Variants in NCAPD3 observed in about 807,000 individuals in gnomAD.
NCAPD3 encodes the protein non-SMC condensin II complex subunit D3, also known as condensin-2 complex subunit D3.
Under a neutral mutation model 182.9 loss-of-function variants are expected in NCAPD3, and 105 were observed. The observed-to-expected ratio is 0.57, with a 90% CI of 0.49 to 0.68. The LOEUF (loss-of-function observed/expected upper bound fraction) is 0.68. Among genes scored for constraint, NCAPD3 ranks in the 30% least tolerant of loss-of-function variants. The pLI, the probability that NCAPD3 is intolerant of heterozygous loss-of-function variation, is 0.00. For missense variants in NCAPD3, 1,944 were observed against 1,837.0 expected (o/e 1.06, Z -1.07); for synonymous variants, 815 against 679.9 (o/e 1.20, Z -3.09).
chr11:134,222,363 T>C (rs1305070145), intron 1 of NCAPD3, among the ~76,000 whole-genome samples: 1 of 152,200 alleles, frequency 6.6e-6, no homozygotes, highest in Non-Finnish European at 1.5e-5. Flanking sequence ...TACTAGAGGG[T>C]TCTTGTCCAC....
chr11:134,219,088 C>A (rs1452048815), intron 2 of NCAPD3, among the ~76,000 whole-genome samples: 1 of 152,204 alleles, frequency 6.6e-6, no homozygotes, highest in Admixed American at 6.5e-5. Flanking sequence ...CCTTACTCTA[C>A]CTTACCATCC....
chr11:134,198,264 T>C (rs954459110), intron 13 of NCAPD3, among the ~76,000 whole-genome samples: 1 of 152,220 alleles, frequency 6.6e-6, no homozygotes, highest in Non-Finnish European at 1.5e-5. Flanking sequence ...TAATGAACTT[T>C]AGTCTCCACC....
chr11:134,203,864 A>T lies in NCAPD3; in HGVS notation c.1258T>A (p.Leu420Ile). The part of the protein sequence containing the change: ...VFTLDVVLAL[L>I]ELPEREVDNT... ...TCCACCTCTCTTTCAGGCAGTTCTA[A>T]CAGAGCTAAGACAACATCAAGAGTA... The change falls in exon 11 of 35, where the codon TTA becomes ATA. Residue 420 changes from leucine to isoleucine, a missense_variant. Physicochemically the swap from Leu to Ile is conservative, Grantham distance 5 (BLOSUM62 2). Coordinates refer to ENST00000534548, the MANE Select transcript of NCAPD3 (RefSeq NM_015261.3). 6.2e-7 allele frequency: 1 copy of T among 1,614,218 alleles called. No homozygotes were observed. The highest frequency in any genetic ancestry group is 1.3e-5 in the African/African-American group (1 of 75,056).
At chr11:134,186,424 A>G (rs1473056123) in intron 16 of NCAPD3, among the ~76,000 whole-genome samples, 1 of 152,042 alleles carries the variant, frequency 6.6e-6, no homozygotes, top group East Asian at 1.9e-4. Context: ...TGTTGTCTAG[A>G]CTGGTCTTGA....
chr11:134,153,469 G>A (rs1943322396), intron 32 of NCAPD3, 106 bp from the exon 33 acceptor site: 1 of 1,190,546 alleles, frequency 8.4e-7, no homozygotes, highest in Non-Finnish European at 1.3e-6. Context: ...CAGTGTCCCA[G>A]CGGCGGCCCT....
At chr11:134,155,595 T>C (rs1474607298) in intron 32 of NCAPD3, among the ~76,000 whole-genome samples, 1 of 152,116 alleles carries the variant, frequency 6.6e-6, no homozygotes, top group East Asian at 1.9e-4. Flanking sequence ...GGCTGCCCTG[T>C]GGAGAAACAC....
chr11:134,169,414 A>T lies in NCAPD3; in HGVS notation c.3102-360T>A, dbSNP rs181143280. Reference sequence around the variant, plus strand: ...CCAGTGGTCTTATAAGACTGATGCAATGACAACAGTCACCAGAAAAGGGAT... The same window carrying T: ...CCAGTGGTCTTATAAGACTGATGCATTGACAACAGTCACCAGAAAAGGGAT... On this transcript the variant is annotated intron_variant, in intron 24 of 34. Coordinates refer to ENST00000534548, the MANE Select transcript of NCAPD3 (RefSeq NM_015261.3). Among the ~76,000 whole-genome samples, 164 of 152,360 alleles carry T rather than the reference A, an allele frequency of 1.1e-3. 1 individual carries two copies. Among genetic ancestry groups the T allele is most frequent in the African/African-American group, 3.8e-3 (159 of 41,588 alleles).
In NCAPD3 at chr11:134,158,118, A is replaced by G. The variant is rs761812248; in HGVS notation, c.4035-51T>C. ...ACTTTCTCACTGCAGACCACTGCAGAGGTGACAGTGCTGCACTGTGTCCCC... is the reference window on the plus strand; with the variant it reads ...ACTTTCTCACTGCAGACCACTGCAGGGGTGACAGTGCTGCACTGTGTCCCC... On this transcript the variant is annotated intron_variant, in intron 30 of 34. Coordinates refer to ENST00000534548, the MANE Select transcript of NCAPD3 (RefSeq NM_015261.3). 2.5e-6 allele frequency: 4 copies of G among 1,590,848 alleles called. No homozygotes were observed. The South Asian group carries it at 4.5e-5, about 18-fold the overall frequency.
chr11:134,192,434 A>G (rs918006957), intron 16 of NCAPD3, among the ~76,000 whole-genome samples: 5 of 152,230 alleles, frequency 3.3e-5, no homozygotes, highest in African/African-American at 1.2e-4. Context: ...ACTACATATG[A>G]AGACACCAAA....
chr11:134,217,802 G>A (rs1307099105), intron 2 of NCAPD3, among the ~76,000 whole-genome samples: 1 of 152,184 alleles, frequency 6.6e-6, no homozygotes, highest in East Asian at 1.9e-4. Context: ...AAAAACTTAC[G>A]GGAGAAATCA....
intron 32 of NCAPD3, chr11:134,153,690 A>G: frequency 2.8e-6 from 1 of 353,242 alleles, no homozygotes; most frequent in Non-Finnish European, 5.3e-6. Flanking sequence ...CACTTACTAC[A>G]CCTCCTACTG....
At chr11:134,165,917 T>C (rs570682465) in intron 27 of NCAPD3, among the ~76,000 whole-genome samples, 4,557 of 91,456 alleles carry the variant, frequency 0.05, 100 homozygotes, top group Non-Finnish European at 0.052. Flanking sequence ...ACTAGTGAGA[T>C]GAGCTTGGGG....
intron 24 of NCAPD3, among the ~76,000 whole-genome samples, chr11:134,175,245 G>A (rs1944133356): frequency 6.6e-6 from 1 of 152,152 alleles, no homozygotes; most frequent in African/African-American, 2.4e-5. Context: ...TTACCTCCCA[G>A]GTGCATCATC....
intron 27 of NCAPD3, among the ~76,000 whole-genome samples, chr11:134,164,775 C>G (rs1471028286): frequency 6.7e-6 from 1 of 150,294 alleles, no homozygotes; most frequent in African/African-American, 2.5e-5. Flanking sequence ...CTTGGGGGAG[C>G]TGCACACTCG....
In NCAPD3 at chr11:134,203,215, A is replaced by G. The variant is rs751541020; in HGVS notation, c.1469-17T>C. 6.4e-7 allele frequency: 1 copy of G among 1,560,418 alleles called. No homozygotes were observed. Among genetic ancestry groups the G allele is most frequent in the Non-Finnish European group, 8.8e-7 (1 of 1,132,250 alleles). ...ACGTAGGACCTAAAAACAAGAAGAA[A>G]GATAAGAAGGAAGAAGTCAGTATCA... On this transcript the variant is annotated splice_polypyrimidine_tract_variant and intron_variant, in intron 11 of 34. Transcript: ENST00000534548.
rs1345544419 is a variant in NCAPD3, at chr11:134,192,968, T to C, written c.1825-59A>G. 4 of 993,826 alleles carry C rather than the reference T, an allele frequency of 4.0e-6. No individual in the cohort carries two copies. In the African/African-American group the frequency reaches 6.4e-5, roughly 16 times the overall value. 61.6% of individuals were successfully genotyped at this position (993,826 alleles called of 1,614,324 possible). A position where few individuals can be genotyped will look rare whatever the true frequency, so the allele number is the denominator to read the frequency against. ...TAAATACAAGTCAGGGAAGTTGTGA[T>C]CAACATTTTGAGATGTTAAAAATAA... On this transcript the variant is annotated intron_variant, in intron 15 of 34. Coordinates refer to ENST00000534548, the MANE Select transcript of NCAPD3 (RefSeq NM_015261.3).
At chr11:134,173,176 C>T (rs898185838) in intron 24 of NCAPD3, 3 of 152,902 alleles carry the variant, frequency 2.0e-5, no homozygotes, top group Non-Finnish European at 4.4e-5. Flanking sequence ...GCCAACAGCT[C>T]TCCGTGGAGG....
At chr11:134,175,933 T>C (rs1944150210) in intron 24 of NCAPD3, among the ~76,000 whole-genome samples, 1 of 152,100 alleles carries the variant, frequency 6.6e-6, no homozygotes, top group South Asian at 2.1e-4. Flanking sequence ...CTCAGCTCTT[T>C]ATCAAAATTA....
chr11:134,167,665 CACTT>C lies in NCAPD3; in HGVS notation c.3573+327_3573+330del, dbSNP rs564931558. On this transcript the variant is annotated intron_variant, in intron 27 of 34. Coordinates refer to ENST00000534548, the MANE Select transcript of NCAPD3 (RefSeq NM_015261.3). ...GATGAGCTTGGGGGAGCAGCACACT[CACTT>C]GTGAGATGAGCTTGGGGGAGGGGCA... is the stretch of plus-strand genomic sequence containing the variant. Among the ~76,000 whole-genome samples the C allele has an allele frequency of 1.0e-3, 133 of 130,302 alleles. 1 individual carries two copies. The highest frequency in any genetic ancestry group is 5.5e-3 in the South Asian group (21 of 3,822). The allele number at this position is 130,302 out of a possible 152,430, so 85.5% of individuals were successfully genotyped here.
Sources: allele counts gnomAD v4.1 joint callset (sites outside exome capture counted in the v4.1 genomes callset), GRCh38; gene constraint gnomAD v4.1.1; transcripts MANE v1.5; gene names NCBI Gene and HGNC (gene_info 2026-07-23, HGNC 2026-07-21).